Variants in PLCG2 observed in about 807,000 individuals in gnomAD.
The protein encoded by PLCG2 is phospholipase C gamma 2.
A neutral mutation model predicts 175.6 loss-of-function variants in PLCG2; 69 were observed. The observed-to-expected ratio is 0.39, with a 90% CI of 0.32 to 0.48. The LOEUF is 0.48. Ranked by LOEUF, PLCG2 falls within the 20% of genes least tolerant of loss-of-function variation. PLCG2 has a pLI of 0.91. For synonymous variants in PLCG2, 827 were observed against 624.0 expected, an observed-to-expected ratio of 1.33 and a Z score of -4.85; for missense variants, 1,798 against 1,650.9, an observed-to-expected ratio of 1.09 and a Z score of -1.54.
chr16:81,956,941 C>A, intron 32 of PLCG2, 62 bp downstream of exon 32: 2 of 1,387,484 alleles, frequency 1.4e-6, no homozygotes, highest in East Asian at 2.3e-5. Context: ...TGATGATGGG[C>A]ACCACGGGCC....
intron 19 of PLCG2, among the ~76,000 whole-genome samples, chr16:81,913,572 C>G (rs1909723095): frequency 6.6e-6 from 1 of 152,258 alleles, no homozygotes; most frequent in African/African-American, 2.4e-5. Flanking sequence ...GGGGCCAAAT[C>G]TCCAGCCAGA....
chr16:81,854,254 C>T (rs116866940), intron 2 of PLCG2, among the ~76,000 whole-genome samples, 190 bp from the exon 3 acceptor site: 3 of 152,140 alleles, frequency 2.0e-5, no homozygotes, highest in Non-Finnish European at 4.4e-5. Flanking sequence ...GCAGCAAATG[C>T]CCGGGTAGGG....
chr16:81,830,623 A>C (rs1344331885), intron 2 of PLCG2, among the ~76,000 whole-genome samples: 1 of 150,482 alleles, frequency 6.6e-6, no homozygotes, highest in East Asian at 1.9e-4. Context: ...GTGTCTTAAA[A>C]AACAACAACA....
At chr16:81,945,876 T>C (rs545827366) in intron 30 of PLCG2, among the ~76,000 whole-genome samples, 3 of 152,370 alleles carry the variant, frequency 2.0e-5, no homozygotes, top group African/African-American at 7.2e-5. Flanking sequence ...CTGCAATCAC[T>C]ACACTCAATG....
intron 7 of PLCG2, among the ~76,000 whole-genome samples, chr16:81,880,407 G>T (rs1597370215): frequency 6.6e-6 from 1 of 152,086 alleles, no homozygotes; most frequent in East Asian, 1.9e-4. Context: ...TAGAAAAACT[G>T]GCACAAGTGG....
chr16:81,826,741 G>A (rs1051122414), intron 2 of PLCG2, among the ~76,000 whole-genome samples: 1 of 152,058 alleles, frequency 6.6e-6, no homozygotes. Context: ...TTTATAGATG[G>A]GGAAACTGAG....
chr16:81,881,801 C>T (rs946091752), intron 8 of PLCG2, among the ~76,000 whole-genome samples: 5 of 148,114 alleles, frequency 3.4e-5, no homozygotes, highest in African/African-American at 1.2e-4. Context: ...CCATCATGTC[C>T]AGCTATTGTT....
chr16:81,876,376 C>G (rs11640429), intron 7 of PLCG2, among the ~76,000 whole-genome samples: 2 of 152,116 alleles, frequency 1.3e-5, no homozygotes, highest in East Asian at 3.9e-4. Flanking sequence ...CAAATGGTTT[C>G]TACAGCCTAA....
At chr16:81,827,799 G>A (rs553200360) in intron 2 of PLCG2, among the ~76,000 whole-genome samples, 53 of 152,026 alleles carry the variant, frequency 3.5e-4, no homozygotes, top group African/African-American at 1.2e-3. Flanking sequence ...TTAAAAAAAA[G>A]CGTTGACGCC....
At chr16:81,832,572 G>T (rs1905305315) in intron 2 of PLCG2, among the ~76,000 whole-genome samples, 1 of 151,996 alleles carries the variant, frequency 6.6e-6, no homozygotes, top group African/African-American at 2.4e-5. Context: ...GTGTGTGTGT[G>T]TATGTATTTT....
intron 8 of PLCG2, 42 bp from the exon 9 acceptor site, chr16:81,883,227 A>C (rs1908178036): frequency 1.3e-6 from 2 of 1,572,762 alleles, no homozygotes; most frequent in African/African-American, 2.7e-5. Flanking sequence ...TCCTCTGTTG[A>C]ATGTGTCTGT....
intron 2 of PLCG2, among the ~76,000 whole-genome samples, chr16:81,802,979 C>A (rs558049273): frequency 1.3e-5 from 2 of 152,076 alleles, no homozygotes; most frequent in Admixed American, 6.6e-5. Flanking sequence ...TTCATAATTT[C>A]CCCCAAATCC....
chr16:81,869,905 A>G lies in PLCG2; in HGVS notation c.564+607A>G, dbSNP rs74821347. The stretch of plus-strand genomic sequence containing the variant: ...GGCACCGATTTTTGCTTACAGGGAA[A>G]TACTCATTCTTCTTAGGAAATGAGC... On this transcript the variant is annotated intron_variant, in intron 6 of 32. Coordinates refer to ENST00000564138, the MANE Select transcript of PLCG2 (RefSeq NM_002661.5). Among the ~76,000 whole-genome samples the G allele has an allele frequency of 9.0e-3, 1,365 of 152,280 alleles. 25 individuals are homozygous for G. The highest frequency in any genetic ancestry group is 0.032 in the African/African-American group (1,319 of 41,544).
At chr16:81,889,474 C>T (rs1212801638) in intron 10 of PLCG2, 9 of 494,856 alleles carry the variant, frequency 1.8e-5, no homozygotes, top group East Asian at 9.7e-5. Context: ...TGTAACTGCC[C>T]AGTGGGTTCA....
At position 81,958,052 on chromosome 16, in the gene PLCG2, G is replaced by A; in HGVS notation, c.*54G>A. 2.4e-6 allele frequency: 3 copies of A among 1,241,388 alleles called. No homozygotes were observed. The highest frequency in any genetic ancestry group is 2.4e-6 in the Non-Finnish European group (2 of 840,382). 76.9% of individuals were successfully genotyped at this position (1,241,388 alleles called of 1,614,324 possible). A position where few individuals can be genotyped will look rare whatever the true frequency, so the allele number is the denominator to read the frequency against. On this transcript the variant is annotated 3_prime_UTR_variant, in exon 33 of 33. Coordinates refer to ENST00000564138, the MANE Select transcript of PLCG2 (RefSeq NM_002661.5). ...TGTGTGTGCGCATGTGTGTTTGCAT[G>A]TAGGAGAACGTGCCCTATTCACACT...
chr16:81,901,358 G>T (rs1909143214), intron 14 of PLCG2, among the ~76,000 whole-genome samples: 1 of 152,130 alleles, frequency 6.6e-6, no homozygotes, highest in Non-Finnish European at 1.5e-5. Flanking sequence ...GAATTATTAG[G>T]ATAAAGAGAC....
intron 12 of PLCG2, among the ~76,000 whole-genome samples, chr16:81,895,299 G>A (rs141054654): frequency 1.1e-3 from 174 of 152,318 alleles, no homozygotes; most frequent in Non-Finnish European, 1.4e-3. Context: ...GGTGGCTCAC[G>A]CCTGTAATCT....
intron 1 of PLCG2, among the ~76,000 whole-genome samples, chr16:81,749,281 C>T (rs1210339127): frequency 6.6e-6 from 1 of 152,128 alleles, no homozygotes; most frequent in Non-Finnish European, 1.5e-5. Flanking sequence ...TTTAAAAAAT[C>T]ACTTGATTGA....
chr16:81,763,350 G>A (rs1342224506), intron 2 of PLCG2, among the ~76,000 whole-genome samples: 1 of 152,226 alleles, frequency 6.6e-6, no homozygotes, highest in Non-Finnish European at 1.5e-5. Context: ...ATTTTCTCAT[G>A]GTTTCTGTGG....
Sources: allele counts gnomAD v4.1 joint callset (sites outside exome capture counted in the v4.1 genomes callset), GRCh38; gene constraint gnomAD v4.1.1; transcripts MANE v1.5; gene names NCBI Gene and HGNC (gene_info 2026-07-23, HGNC 2026-07-21).